Variants in DCAF6 observed in about 807,000 individuals in gnomAD.
DCAF6 encodes DDB1- and CUL4-associated factor 6.
In DCAF6, 54 loss-of-function variants were observed where a neutral mutation model predicts 125.1. That is an observed-to-expected ratio of 0.43 (90% CI 0.35 to 0.54). The LOEUF (loss-of-function observed/expected upper bound fraction) is 0.54. DCAF6 is among the 20% of genes least tolerant of loss of function. The pLI is 0.01. For synonymous variants in DCAF6, 371 were observed against 390.4 expected, an observed-to-expected ratio of 0.95 and a Z score of 0.58; for missense variants, 934 against 1,161.7, an observed-to-expected ratio of 0.80 and a Z score of 2.85.
the DCAF6 span, among the ~76,000 whole-genome samples, chr1:167,910,101 C>T: frequency 0.016 from 2,481 of 152,294 alleles, 66 homozygotes; most frequent in African/African-American, 0.055. Context: ...AGATGCAAGT[C>T]TGCCAATGCT....
chr1:167,931,050 C>T (rs7533355), upstream of DCAF6, among the ~76,000 whole-genome samples: 31,448 of 152,158 alleles, frequency 0.21, 3,879 homozygotes, highest in Admixed American at 0.36. Flanking sequence ...TCCTGCCTCA[C>T]CCTCCAGAGT....
the DCAF6 span, chr1:167,904,654 G>A: frequency 1.7e-6 from 1 of 585,676 alleles, no homozygotes; most frequent in Non-Finnish European, 3.0e-6. Flanking sequence ...CATCATCTAG[G>A]GAGATCATTT....
the DCAF6 span, among the ~76,000 whole-genome samples, chr1:167,881,256 A>G: frequency 6.6e-6 from 1 of 152,202 alleles, no homozygotes; most frequent in Non-Finnish European, 1.5e-5. Flanking sequence ...AAAACTTGGC[A>G]TTTGTAGTAT....
At chr1:168,018,166 A>G (rs1413848034) in intron 11 of DCAF6, among the ~76,000 whole-genome samples, 1 of 152,184 alleles carries the variant, frequency 6.6e-6, no homozygotes, top group African/African-American at 2.4e-5. Flanking sequence ...ATAATCACCT[A>G]CATTTTTAGT....
the DCAF6 span, among the ~76,000 whole-genome samples, chr1:167,864,934 T>C: frequency 6.6e-6 from 1 of 151,196 alleles, no homozygotes; most frequent in Non-Finnish European, 1.5e-5. Flanking sequence ...GCAAAATTTA[T>C]GTAAAAAGAG....
rs988425953 is a variant in DCAF6 at position 168,075,619 on chromosome 1, A to G, written c.*184A>G. On this transcript the variant is annotated 3_prime_UTR_variant, in exon 22 of 22. Transcript: ENST00000367840. ...GCATGAATTTGGGAGATTGTATAAA[A>G]CAAAACTAGCAGAATGTTTTTAAAA... is the stretch of plus-strand genomic sequence containing the variant. The G allele has an allele frequency of 3.9e-5, 20 of 519,240 alleles. No homozygotes were observed. The highest frequency in any genetic ancestry group is 3.6e-4 in the African/African-American group (18 of 50,078). 32.2% of individuals were successfully genotyped at this position (519,240 alleles called of 1,614,324 possible).
the DCAF6 span, among the ~76,000 whole-genome samples, chr1:167,892,182 G>A: frequency 6.6e-6 from 1 of 152,058 alleles, no homozygotes; most frequent in Non-Finnish European, 1.5e-5. Flanking sequence ...ATGTTGTCCA[G>A]GCTGGTCTTG....
chr1:168,022,888 CA>C, intron 11 of DCAF6, 99 bp from the exon 12 acceptor site: 1 of 1,063,088 alleles, frequency 9.4e-7, no homozygotes, highest in Non-Finnish European at 1.4e-6. Context: ...TTCTATTCCG[CA>C]GCCTTATACA....
chr1:168,050,836 A>G (rs916340889), intron 16 of DCAF6, 56 bp from the exon 17 acceptor site: 1 of 1,031,382 alleles, frequency 9.7e-7, no homozygotes, highest in Non-Finnish European at 1.3e-6. Context: ...TGCTTTAAAT[A>G]TTTGGTTCTT....
chr1:167,979,347 A>C (rs997771963), intron 4 of DCAF6, among the ~76,000 whole-genome samples: 2 of 152,006 alleles, frequency 1.3e-5, no homozygotes, highest in Non-Finnish European at 2.9e-5. Context: ...TTCAAAACTG[A>C]TACTCTGCAT....
At chr1:167,911,469 T>C in the DCAF6 span, among the ~76,000 whole-genome samples, 1 of 152,218 alleles carries the variant, frequency 6.6e-6, no homozygotes, top group African/African-American at 2.4e-5. Context: ...TTTAAAAGTA[T>C]TTTTACTTTT....
chr1:167,977,310 T>A (rs1268827468), intron 4 of DCAF6, among the ~76,000 whole-genome samples: 4 of 151,782 alleles, frequency 2.6e-5, no homozygotes, highest in African/African-American at 7.3e-5. Context: ...TTTCTTTCCT[T>A]TGTGAAAAAT....
At position 168,004,628 on chromosome 1, in the gene DCAF6, G is replaced by T. The variant is rs530976851; in HGVS notation, c.1213G>T (p.Ala405Ser). 1.2e-6 allele frequency: 2 copies of T among 1,613,488 alleles called. No individual in the cohort carries two copies. Among genetic ancestry groups the T allele is most frequent in the East Asian group, 4.5e-5 (2 of 44,878 alleles). Residue 405 changes from alanine to serine, a missense_variant, in exon 10 of 22, where the codon GCT (alanine) becomes TCT (serine). Coordinates refer to ENST00000367840, the MANE Select transcript of DCAF6 (RefSeq NM_001198956.2). ...SETAMEVDTP[A>S]EQFLQPSTSS... is the part of the protein sequence containing the mutation. ...AACTGCAATGGAAGTAGATACTCCA[G>T]CTGAACAATTTCTTCAGCCTTCTAC... is the stretch of plus-strand genomic sequence containing the variant.
chr1:167,960,849 T>C (rs554150930), intron 2 of DCAF6, among the ~76,000 whole-genome samples: 5 of 152,344 alleles, frequency 3.3e-5, no homozygotes, highest in Admixed American at 6.5e-5. Context: ...TCTTATAAAC[T>C]TTAGAATCAG....
At chr1:167,937,171 TC>T in intron 1 of DCAF6, 163 bp downstream of exon 1, 1 of 631,114 alleles carries the variant, frequency 1.6e-6, no homozygotes. Flanking sequence ...TGCCGGTGCC[TC>T]CCCCAGTCAA....
At chr1:168,027,329 G>C (rs1260122832) in intron 12 of DCAF6, among the ~76,000 whole-genome samples, 1 of 152,108 alleles carries the variant, frequency 6.6e-6, no homozygotes, top group Non-Finnish European at 1.5e-5. Flanking sequence ...AGAGTAAACA[G>C]ATTGTGTGTT....
chr1:167,965,247 T>C (rs1158738666), intron 2 of DCAF6, among the ~76,000 whole-genome samples: 1 of 152,200 alleles, frequency 6.6e-6, no homozygotes, highest in Non-Finnish European at 1.5e-5. Context: ...GTCTGAACTG[T>C]GGGCTTCACA....
At chr1:167,946,812 C>A (rs2102676387) in intron 1 of DCAF6, among the ~76,000 whole-genome samples, 1 of 152,088 alleles carries the variant, frequency 6.6e-6, no homozygotes, top group Non-Finnish European at 1.5e-5. Context: ...GTTCATTAAT[C>A]TGTAGTTTTC....
chr1:167,980,479 C>T (rs1678932425), intron 4 of DCAF6, among the ~76,000 whole-genome samples: 1 of 152,176 alleles, frequency 6.6e-6, no homozygotes, highest in African/African-American at 2.4e-5. Flanking sequence ...TCCTTGCCAA[C>T]ACTTACAATT....
Sources: allele counts gnomAD v4.1 joint callset (sites outside exome capture counted in the v4.1 genomes callset), GRCh38; gene constraint gnomAD v4.1.1; transcripts MANE v1.5; gene names NCBI Gene and HGNC (gene_info 2026-07-23, HGNC 2026-07-21).